Variants in OTUD7B observed in about 807,000 individuals in gnomAD.
OTUD7B encodes OTU deubiquitinase 7B, also known as OTU domain-containing protein 7B.
OTUD7B carries 34 observed loss-of-function variants against 82.2 expected under a neutral mutation model. The ratio of observed to expected loss-of-function variants is 0.41; its 90% CI spans 0.31 to 0.55. The LOEUF is 0.55. Among genes scored for constraint, OTUD7B ranks in the 20% least tolerant of loss-of-function variants. OTUD7B has a pLI of 0.20. For missense variants in OTUD7B, 944 were observed against 1,062.1 expected (o/e 0.89, Z 1.55); for synonymous variants, 398 against 402.7 (o/e 0.99, Z 0.14).
the OTUD7B span, among the ~76,000 whole-genome samples, chr1:150,052,105 T>C: frequency 6.6e-6 from 1 of 152,158 alleles, no homozygotes; most frequent in African/African-American, 2.4e-5. Context: ...CCTTGAAAAC[T>C]GGCACAGGAC....
At chr1:150,019,364 T>C in the OTUD7B span, among the ~76,000 whole-genome samples, 36 of 151,638 alleles carry the variant, frequency 2.4e-4, no homozygotes, top group Admixed American at 1.8e-3. Flanking sequence ...TTGTTTTGTT[T>C]GTTTGTTTGT....
Position 149,965,780 on chromosome 1 carries a change from G to C in OTUD7B, c.601C>G (p.Leu201Val), listed in dbSNP as rs782047554. The C allele has an allele frequency of 3.1e-6, 5 of 1,611,176 alleles. No homozygotes were observed. The highest frequency in any genetic ancestry group is 4.2e-6 in the Non-Finnish European group (5 of 1,177,616). ...GAGGACTGCTTTCAAGACTCACCAA[G>C]GGAGGCTGCATGCAGGAGGCAGTTC... ...DGNCLLHAAS[L>V]GMWGFHDRDL... The change falls in exon 5 of 12, where the codon CTT becomes GTT. Residue 201 changes from leucine (L) to valine (V), a missense_variant. Physicochemically the swap from Leu to Val is conservative, Grantham distance 32 (BLOSUM62 1). This residue lies in a region of OTUD7B where 530 missense variants were observed against 625.6 expected (regional missense o/e 0.85). Coordinates refer to ENST00000581312, the MANE Select transcript of OTUD7B (RefSeq NM_020205.4).
chr1:149,989,579 A>T (rs1243144303), intron 1 of OTUD7B, among the ~76,000 whole-genome samples: 1 of 151,236 alleles, frequency 6.6e-6, no homozygotes, highest in Non-Finnish European at 1.5e-5. Flanking sequence ...ACAAACAAAA[A>T]ACCCACAAAA....
At chr1:149,987,716 AAACAG>A (rs1553781170) in intron 1 of OTUD7B, among the ~76,000 whole-genome samples, 1 of 152,094 alleles carries the variant, frequency 6.6e-6, no homozygotes, top group Non-Finnish European at 1.5e-5. Context: ...ACCATTTCCA[AAACAG>A]AGTCTTGACA....
intron 7 of OTUD7B, among the ~76,000 whole-genome samples, chr1:149,953,978 CAT>C (rs1424409905): frequency 2.6e-5 from 4 of 152,196 alleles, no homozygotes; most frequent in African/African-American, 9.7e-5. Flanking sequence ...AATATACAAT[CAT>C]GTCACCTGCA....
intron 6 of OTUD7B, 75 bp downstream of exon 6, chr1:149,964,147 T>C (rs1553776009): frequency 6.5e-7 from 1 of 1,541,842 alleles, no homozygotes; most frequent in East Asian, 2.2e-5. Context: ...AAATATTTTC[T>C]ACTGGCAGGC....
chr1:150,058,983 T>C, the OTUD7B span, among the ~76,000 whole-genome samples: 1 of 152,084 alleles, frequency 6.6e-6, no homozygotes, highest in Non-Finnish European at 1.5e-5. Flanking sequence ...ATATTATGTA[T>C]TAGACATTTT....
chr1:149,964,105 A>G, intron 6 of OTUD7B, 117 bp downstream of exon 6: 1 of 1,171,828 alleles, frequency 8.5e-7, no homozygotes, highest in South Asian at 1.4e-5. Flanking sequence ...TTTCAGGATC[A>G]TAAGGGGAGT....
At chr1:149,991,182 A>G (rs1461452059) in intron 1 of OTUD7B, among the ~76,000 whole-genome samples, 1 of 152,022 alleles carries the variant, frequency 6.6e-6, no homozygotes, top group Non-Finnish European at 1.5e-5. Flanking sequence ...TAATATCCAT[A>G]TTCACTACAT....
At chr1:150,067,592 A>G in the OTUD7B span, 1 of 467,602 alleles carries the variant, frequency 2.1e-6, no homozygotes, top group African/African-American at 2.0e-5. Context: ...GGCCTCAGGC[A>G]TCTTCAGGCC....
At chr1:149,968,167 G>C (rs1571647859) in intron 3 of OTUD7B, among the ~76,000 whole-genome samples, 1 of 151,216 alleles carries the variant, frequency 6.6e-6, no homozygotes, top group African/African-American at 2.4e-5. Context: ...GGGAGGCTGA[G>C]GTGGGAGAAT....
At chr1:149,984,360 T>C (rs587698626) in intron 1 of OTUD7B, among the ~76,000 whole-genome samples, 1 of 152,338 alleles carries the variant, frequency 6.6e-6, no homozygotes, top group South Asian at 2.1e-4. Context: ...CCTACAAAAA[T>C]AGGCTTCTGC....
the OTUD7B span, chr1:150,048,674 G>A: frequency 2.0e-5 from 3 of 149,884 alleles, no homozygotes; most frequent in Non-Finnish European, 4.5e-5. Flanking sequence ...GTAAGACCTT[G>A]ACTCTTAAAA....
chr1:149,978,458 G>A (rs1439931444), intron 1 of OTUD7B, among the ~76,000 whole-genome samples: 2 of 151,396 alleles, frequency 1.3e-5, no homozygotes, highest in African/African-American at 4.9e-5. Context: ...GCAGTGAGCC[G>A]AGATCACACC....
intron 1 of OTUD7B, among the ~76,000 whole-genome samples, chr1:149,999,962 A>G (rs145648452): frequency 9.6e-4 from 146 of 152,356 alleles, no homozygotes; most frequent in African/African-American, 3.3e-3. Context: ...TCAAAGCTGC[A>G]TTCTATCTAT....
intron 1 of OTUD7B, among the ~76,000 whole-genome samples, chr1:150,002,543 A>G (rs1483353921): frequency 6.6e-6 from 1 of 152,196 alleles, no homozygotes; most frequent in African/African-American, 2.4e-5. Context: ...GTAGAATGGA[A>G]TGATGTTAAG....
chr1:149,958,544 G>A (rs1299205315), intron 7 of OTUD7B, among the ~76,000 whole-genome samples: 2 of 151,846 alleles, frequency 1.3e-5, no homozygotes, highest in Non-Finnish European at 2.9e-5. Flanking sequence ...GGCCAGGCTG[G>A]TCTCGAATTC....
chr1:150,067,014 T>C, the OTUD7B span: 1 of 152,444 alleles, frequency 6.6e-6, no homozygotes, highest in Non-Finnish European at 1.5e-5. Flanking sequence ...CAGAGTCCAA[T>C]TGCTCAGAGC....
the OTUD7B span, chr1:150,054,553 A>C: frequency 2.3e-6 from 1 of 440,480 alleles, no homozygotes; most frequent in Admixed American, 2.5e-5. Context: ...CATGTCTGTA[A>C]TCCCAGCACT....
Sources: allele counts gnomAD v4.1 joint callset (sites outside exome capture counted in the v4.1 genomes callset), GRCh38; gene constraint gnomAD v4.1.1; regional missense constraint gnomAD v4.1.1; transcripts MANE v1.5; gene names NCBI Gene and HGNC (gene_info 2026-07-23, HGNC 2026-07-21).